The following PGM3 variants were observed in gnomAD, a reference collection of about 807,000 sequenced individuals.
The protein encoded by PGM3 is phosphoglucomutase 3.
PGM3 carries 40 observed loss-of-function variants against 66.2 expected under a neutral mutation model. That is an observed-to-expected ratio of 0.60 (90% CI 0.47 to 0.79). The LOEUF (loss-of-function observed/expected upper bound fraction) is 0.79, where lower values mean the gene tolerates loss of function less well. Ranked by LOEUF, PGM3 falls within the 30% of genes least tolerant of loss-of-function variation. The pLI, the probability that PGM3 is intolerant of heterozygous loss-of-function variation, is 0.00. For missense variants in PGM3, 537 were observed against 643.4 expected, an observed-to-expected ratio of 0.83 and a Z score of 1.79; for synonymous variants, 191 against 224.2, an observed-to-expected ratio of 0.85 and a Z score of 1.32.
the PGM3 span, chr6:83,151,764 TTC>T: frequency 6.9e-7 from 1 of 1,444,220 alleles, no homozygotes; most frequent in Non-Finnish European, 9.5e-7. Context: ...ACTCTGAACA[TTC>T]TATGGGAATC....
At chr6:83,160,036 T>A, downstream of PGM3, 1 of 1,426,410 alleles carries the variant, frequency 7.0e-7, no homozygotes, top group South Asian at 1.3e-5. Context: ...TATGACTAAT[T>A]AAAAAGTTTT....
chr6:83,181,384 A>G (rs1458705082), intron 6 of PGM3, among the ~76,000 whole-genome samples: 2 of 152,192 alleles, frequency 1.3e-5, no homozygotes, highest in Admixed American at 6.5e-5. Flanking sequence ...TGCAAATCCT[A>G]TGCCAGACCT....
chr6:83,155,586 A>G, the PGM3 span, among the ~76,000 whole-genome samples: 2 of 152,212 alleles, frequency 1.3e-5, no homozygotes, highest in Non-Finnish European at 1.5e-5. Flanking sequence ...GACTTGAGGA[A>G]GGAGAGGTAG....
intron 12 of PGM3, 68 bp from the exon 13 acceptor site, chr6:83,169,391 G>A: frequency 6.3e-7 from 1 of 1,578,796 alleles, no homozygotes; most frequent in East Asian, 2.3e-5. Context: ...GCAAGACCAT[G>A]TTACTTGGAA....
At chr6:83,176,148 A>T (rs1562417584) in intron 8 of PGM3, 88 bp from the exon 9 acceptor site, 2 of 763,596 alleles carry the variant, frequency 2.6e-6, no homozygotes, top group Non-Finnish European at 4.7e-6. Flanking sequence ...TACAAAGGGG[A>T]ACAAAATACT....
Position 83,168,310 on chromosome 6 carries a change from G to A in PGM3, c.*924C>T. On this transcript the variant is annotated 3_prime_UTR_variant, in exon 13 of 13. Coordinates refer to ENST00000513973, the MANE Select transcript of PGM3 (RefSeq NM_015599.3). ...ATTTAATTTAAATATTTGTATATAA[G>A]AGCAAATGTCTGAATGTGGCCTGAA... 1.4e-6 allele frequency: 2 copies of A among 1,427,464 alleles called. No homozygotes were observed. The highest frequency in any genetic ancestry group is 2.5e-5 in the East Asian group (1 of 39,676). The allele number at this position is 1,427,464 out of a possible 1,614,324, so 88.4% of individuals were successfully genotyped here.
downstream of PGM3, chr6:83,158,415 C>A: frequency 1.5e-6 from 1 of 655,896 alleles, no homozygotes; most frequent in Non-Finnish European, 2.7e-6. Flanking sequence ...GCTAAATTTG[C>A]AGTTTTACCT....
At chr6:83,189,152 C>T (rs1788847062) in intron 2 of PGM3, among the ~76,000 whole-genome samples, 1 of 152,144 alleles carries the variant, frequency 6.6e-6, no homozygotes, top group African/African-American at 2.4e-5. Context: ...AAACACTATG[C>T]CACACTAGCC....
At chr6:83,186,955 A>C in intron 4 of PGM3, 53 bp downstream of exon 4, 2 of 1,000,990 alleles carry the variant, frequency 2.0e-6, no homozygotes, top group Non-Finnish European at 3.0e-6. Flanking sequence ...TACTTTTGTA[A>C]ATTAAAGTTT....
At chr6:83,188,220 A>G (rs894140821) in intron 3 of PGM3, among the ~76,000 whole-genome samples, 11 of 152,228 alleles carry the variant, frequency 7.2e-5, no homozygotes, top group African/African-American at 2.4e-4. Flanking sequence ...AAAATGATAT[A>G]AATATTTGAA....
chr6:83,177,107 A>G (rs1787827644), intron 8 of PGM3, among the ~76,000 whole-genome samples: 1 of 152,254 alleles, frequency 6.6e-6, no homozygotes. Flanking sequence ...ACTACAGTTG[A>G]CATCAGCTGG....
At chr6:83,170,520 CTT>C in intron 11 of PGM3, 42 bp from the exon 12 acceptor site, 1 of 1,490,240 alleles carries the variant, frequency 6.7e-7, no homozygotes, top group Non-Finnish European at 9.3e-7. Flanking sequence ...ATTACACTTC[CTT>C]TCAGAAGCTT....
At chr6:83,191,135 T>C (rs1296655267) in intron 1 of PGM3, 121 bp from the exon 2 acceptor site, 4 of 1,471,420 alleles carry the variant, frequency 2.7e-6, no homozygotes, top group Non-Finnish European at 3.7e-6. Context: ...CAAAGAACCC[T>C]ATGTTTGACA....
At chr6:83,184,012 G>A (rs894413801) in intron 4 of PGM3, among the ~76,000 whole-genome samples, 3 of 151,876 alleles carry the variant, frequency 2.0e-5, no homozygotes, top group Admixed American at 6.6e-5. Context: ...CACCACACCC[G>A]GCCTGTCATG....
Position 83,170,304 on chromosome 6 carries a change from C to T in PGM3, c.1539+1G>A, listed in dbSNP as rs749830623. Reference sequence around the variant, plus strand: ...TTTTCAATAGAACTATCCCAGCTTACTTGTGAGTCTGCTTCTGCATATACT... The same window carrying T: ...TTTTCAATAGAACTATCCCAGCTTATTTGTGAGTCTGCTTCTGCATATACT... On this transcript the variant is annotated splice_donor_variant, in intron 12 of 12. Transcript: ENST00000513973. LOFTEE classifies it high-confidence loss of function. 6.2e-7 allele frequency: 1 copy of T among 1,613,976 alleles called. No individual in the cohort carries two copies. The highest frequency in any genetic ancestry group is 8.5e-7 in the Non-Finnish European group (1 of 1,179,866).
At position 83,170,268 on chromosome 6, in the gene PGM3, T is replaced by C. The variant is rs751085041; in HGVS notation, c.1539+37A>G. ...AATAGTTTGCCTGCCCATCACCTAA[T>C]ATTAGGCTCTTTTTCAATAGAACTA... On this transcript the variant is annotated intron_variant, in intron 12 of 12. Coordinates refer to ENST00000513973, the MANE Select transcript of PGM3 (RefSeq NM_015599.3). 4.4e-6 allele frequency: 7 copies of C among 1,597,146 alleles called. No homozygotes were observed. In the African/African-American group the frequency reaches 6.7e-5, roughly 15 times the overall value.
At chr6:83,173,234 G>A (rs1270831010) in intron 10 of PGM3, among the ~76,000 whole-genome samples, 1 of 152,146 alleles carries the variant, frequency 6.6e-6, no homozygotes, top group Non-Finnish European at 1.5e-5. Context: ...AAGTGTTTTT[G>A]TGGATGGATA....
intron 1 of PGM3, among the ~76,000 whole-genome samples, chr6:83,191,849 G>A (rs1246741474): frequency 1.3e-5 from 2 of 151,608 alleles, no homozygotes; most frequent in African/African-American, 4.9e-5. Context: ...AAATTAGTCG[G>A]GCGTGTTAGC....
At chr6:83,153,742 G>T in the PGM3 span, 1 of 1,162,876 alleles carries the variant, frequency 8.6e-7, no homozygotes, top group Non-Finnish European at 1.2e-6. Flanking sequence ...AATTATAATT[G>T]TTTAAAAAAA....
Sources: allele counts gnomAD v4.1 joint callset (sites outside exome capture counted in the v4.1 genomes callset), GRCh38; gene constraint gnomAD v4.1.1; transcripts MANE v1.5; gene names NCBI Gene and HGNC (gene_info 2026-07-23, HGNC 2026-07-21).